FSTL5: variants seen among roughly 807,000 people sequenced by gnomAD.
The protein encoded by FSTL5 is follistatin like 5.
In FSTL5, 62 loss-of-function variants were observed where a neutral mutation model predicts 89.1. That is an observed-to-expected ratio of 0.70 (90% CI 0.57 to 0.86). FSTL5 has a LOEUF of 0.86. FSTL5 is among the 40% of genes least tolerant of loss of function. The pLI, the probability that FSTL5 is intolerant of heterozygous loss-of-function variation, is 0.00. For synonymous variants in FSTL5, 383 were observed against 346.2 expected (o/e 1.11, Z -1.18); for missense variants, 1,057 against 1,001.6 (o/e 1.06, Z -0.75).
chr4:161,475,058 C>T (rs146346819), intron 13 of FSTL5, among the ~76,000 whole-genome samples: 13 of 148,570 alleles, frequency 8.8e-5, no homozygotes, highest in African/African-American at 2.2e-4. Context: ...TGTAGTATGC[C>T]GAACGTATGG....
At chr4:161,851,749 ATT>A (rs34215301) in intron 4 of FSTL5, among the ~76,000 whole-genome samples, 103,890 of 150,732 alleles carry the variant, frequency 0.69, 36,137 homozygotes, top group Non-Finnish European at 0.74. Context: ...TATTTAGAGA[ATT>A]TTTTTTTTTT....
chr4:161,513,594 C>T (rs1382511083), intron 10 of FSTL5, among the ~76,000 whole-genome samples: 1 of 152,020 alleles, frequency 6.6e-6, no homozygotes, highest in Non-Finnish European at 1.5e-5. Context: ...AACCTAAATC[C>T]CCATCAGTGG....
chr4:161,485,375 T>C (rs899681525), intron 12 of FSTL5, among the ~76,000 whole-genome samples: 32 of 152,232 alleles, frequency 2.1e-4, no homozygotes, highest in Admixed American at 1.4e-3. Flanking sequence ...AACTCATCCA[T>C]TCTGATTGCC....
At chr4:161,440,886 T>C (rs185928847) in intron 15 of FSTL5, among the ~76,000 whole-genome samples, 16 of 152,268 alleles carry the variant, frequency 1.1e-4, no homozygotes, top group Admixed American at 9.8e-4. Context: ...GTGAAGTCCA[T>C]TACTAATTTA....
At chr4:162,090,018 G>T (rs1239458004) in intron 2 of FSTL5, among the ~76,000 whole-genome samples, 3 of 152,158 alleles carry the variant, frequency 2.0e-5, no homozygotes, top group Non-Finnish European at 4.4e-5. Flanking sequence ...AGTCAATGGT[G>T]CTGGGATAAC....
At chr4:161,432,228 G>A (rs1171036450) in intron 15 of FSTL5, among the ~76,000 whole-genome samples, 2 of 151,980 alleles carry the variant, frequency 1.3e-5, no homozygotes, top group East Asian at 1.9e-4. Flanking sequence ...GTCTTAAAAC[G>A]TTAAAAAACT....
chr4:161,560,017 C>T (rs2126569187), intron 8 of FSTL5, among the ~76,000 whole-genome samples: 1 of 150,898 alleles, frequency 6.6e-6, no homozygotes, highest in East Asian at 2.0e-4. Flanking sequence ...AATTTGTAAA[C>T]TTTCTTAAAA....
intron 8 of FSTL5, among the ~76,000 whole-genome samples, chr4:161,547,878 T>C (rs1732059514): frequency 6.6e-6 from 1 of 151,904 alleles, no homozygotes; most frequent in South Asian, 2.1e-4. Context: ...GTTTGCATAT[T>C]TGTAAATACC....
intron 12 of FSTL5, among the ~76,000 whole-genome samples, chr4:161,488,574 T>C (rs749929998): frequency 4.6e-5 from 7 of 152,114 alleles, no homozygotes; most frequent in African/African-American, 1.7e-4. Context: ...GGTGCACTTA[T>C]ATTATCTGTG....
At chr4:161,905,299 T>C (rs1161614506) in intron 4 of FSTL5, among the ~76,000 whole-genome samples, 1 of 152,132 alleles carries the variant, frequency 6.6e-6, no homozygotes, top group Non-Finnish European at 1.5e-5. Flanking sequence ...ATAGACTATA[T>C]CTGCAAGGCA....
At chr4:162,075,506 T>C (rs1729800030) in intron 2 of FSTL5, among the ~76,000 whole-genome samples, 1 of 151,824 alleles carries the variant, frequency 6.6e-6, no homozygotes, top group Non-Finnish European at 1.5e-5. Flanking sequence ...CTGTGTTTGG[T>C]CATCAATGTT....
intron 15 of FSTL5, among the ~76,000 whole-genome samples, chr4:161,447,354 C>T (rs1399012102): frequency 6.6e-6 from 1 of 151,762 alleles, no homozygotes; most frequent in African/African-American, 2.4e-5. Context: ...TCGCATTGAC[C>T]CATACATCAA....
intron 3 of FSTL5, among the ~76,000 whole-genome samples, chr4:162,027,220 T>G (rs1168509661): frequency 6.6e-6 from 1 of 152,004 alleles, no homozygotes; most frequent in Admixed American, 6.6e-5. Flanking sequence ...TTTCAATGAG[T>G]TTTTTAAAGG....
chr4:161,853,104 C>T (rs928080526), intron 4 of FSTL5, among the ~76,000 whole-genome samples: 19 of 152,174 alleles, frequency 1.2e-4, no homozygotes, highest in Admixed American at 1.1e-3. Flanking sequence ...CTAATAGCCT[C>T]CCTTAAGAAT....
At chr4:161,573,899 A>G (rs891490857) in intron 8 of FSTL5, among the ~76,000 whole-genome samples, 3 of 152,160 alleles carry the variant, frequency 2.0e-5, no homozygotes, top group African/African-American at 7.2e-5. Context: ...TGGAGGCCAG[A>G]AGACCAAAAT....
intron 1 of FSTL5, among the ~76,000 whole-genome samples, chr4:162,121,599 ATGAC>A (rs947381462): frequency 1.2e-4 from 18 of 152,178 alleles, no homozygotes; most frequent in Middle Eastern, 3.4e-3. Context: ...ATGGTGTAAA[ATGAC>A]TGGTTAAAAT....
At chr4:162,117,775 A>G (rs979508704) in intron 1 of FSTL5, among the ~76,000 whole-genome samples, 3 of 152,178 alleles carry the variant, frequency 2.0e-5, no homozygotes, top group African/African-American at 7.2e-5. Context: ...AGACAGAACT[A>G]TGTTAATCAT....
At chr4:162,159,037 T>C (rs4691817) in intron 1 of FSTL5, among the ~76,000 whole-genome samples, 79,958 of 151,824 alleles carry the variant, frequency 0.53, 21,245 homozygotes, top group Admixed American at 0.59. Flanking sequence ...GCAATTGCTG[T>C]GGCTTTGAGA....
intron 4 of FSTL5, among the ~76,000 whole-genome samples, chr4:161,789,364 G>A (rs1007464632): frequency 6.6e-6 from 1 of 151,946 alleles, no homozygotes; most frequent in African/African-American, 2.4e-5. Context: ...GGCTTTCTGG[G>A]TTTTTCCATT....
Sources: gnomAD v4.1 joint callset for allele counts (sites outside exome capture counted in the v4.1 genomes callset) on GRCh38, gnomAD v4.1.1 for gene constraint, MANE v1.5 for transcripts, NCBI Gene and HGNC (gene_info 2026-07-23, HGNC 2026-07-21) for gene names.